IL1RAPL1: variants seen among roughly 807,000 people sequenced by gnomAD.
The protein encoded by IL1RAPL1 is interleukin-1 receptor accessory protein-like 1.
Under a neutral mutation model 48.4 loss-of-function variants are expected in IL1RAPL1, and 3 were observed. The observed-to-expected ratio is 0.06, with a 90% confidence interval of 0.03 to 0.16. The LOEUF is 0.16. Ranked by LOEUF, IL1RAPL1 falls within the 10% of genes least tolerant of loss-of-function variation. The pLI is 1.00. For synonymous variants in IL1RAPL1, 185 were observed against 187.7 expected, an observed-to-expected ratio of 0.99 and a Z score of 0.12; for missense variants, 349 against 530.6, an observed-to-expected ratio of 0.66 and a Z score of 3.36.
intron 2 of IL1RAPL1, among the ~76,000 whole-genome samples, chrX:28,874,611 A>G (rs1468507802): frequency 2.7e-5 from 3 of 112,295 alleles, no homozygotes; most frequent in East Asian, 5.6e-4. Context: ...CACACTTTCA[A>G]TAATGTTTGT....
At chrX:28,869,591 A>G (rs73631617) in intron 2 of IL1RAPL1, among the ~76,000 whole-genome samples, 2,629 of 111,799 alleles carry the variant, frequency 0.024, 70 homozygotes, top group African/African-American at 0.081. Flanking sequence ...TTTAGGTTAT[A>G]TTTTATTTCT....
intron 1 of IL1RAPL1, among the ~76,000 whole-genome samples, chrX:28,727,045 A>G (rs1276245461): frequency 3.6e-5 from 4 of 111,910 alleles, no homozygotes; most frequent in Non-Finnish European, 7.5e-5. Flanking sequence ...GTCTCTTAAT[A>G]AAAATAATTT....
Position 29,192,875 on chromosome X carries a change from T to TA in IL1RAPL1, c.83-90062dup, listed in dbSNP as rs1391812075. Among the ~76,000 whole-genome samples the TA allele has an allele frequency of 2.7e-5, 3 of 111,501 alleles. No homozygotes were observed. In the South Asian group the frequency reaches 1.1e-3, roughly 41 times the overall value. On this transcript the variant is annotated intron_variant, in intron 2 of 10. Coordinates refer to ENST00000378993, the MANE Select transcript of IL1RAPL1 (RefSeq NM_014271.4). ...CTCATGAGGAAAAATGATTAGGAAG[T>TA]ATGTTAGTACTAACCATTAACTAGA...
At chrX:28,707,826 A>G (rs1935393507) in intron 1 of IL1RAPL1, among the ~76,000 whole-genome samples, 1 of 112,301 alleles carries the variant, frequency 8.9e-6, no homozygotes, top group South Asian at 3.7e-4. Context: ...GACTCAGTAT[A>G]AATAGGAATG....
At chrX:28,720,059 A>C (rs2146939230) in intron 1 of IL1RAPL1, among the ~76,000 whole-genome samples, 1 of 111,452 alleles carries the variant, frequency 9.0e-6, no homozygotes, top group Non-Finnish European at 1.9e-5. Context: ...ATCCCCAAGT[A>C]ATTTATGCTT....
intron 2 of IL1RAPL1, among the ~76,000 whole-genome samples, chrX:29,162,614 A>G (rs947364573): frequency 2.7e-5 from 3 of 111,248 alleles, no homozygotes; most frequent in African/African-American, 9.8e-5. Context: ...ATGGAATACA[A>G]ATAAATTTTT....
intron 2 of IL1RAPL1, among the ~76,000 whole-genome samples, chrX:29,268,840 G>A (rs1330750170): frequency 8.9e-6 from 1 of 111,871 alleles, no homozygotes. Context: ...ACGAATCAAT[G>A]AATGCTTCTG....
intron 1 of IL1RAPL1, among the ~76,000 whole-genome samples, chrX:28,597,560 C>T (rs1023778943): frequency 3.6e-5 from 4 of 110,313 alleles, no homozygotes; most frequent in Non-Finnish European, 5.7e-5. Context: ...GGTGAAACCC[C>T]GTCTCTACTA....
chrX:29,415,877 T>G (rs1934209059), intron 5 of IL1RAPL1, among the ~76,000 whole-genome samples: 1 of 112,358 alleles, frequency 8.9e-6, no homozygotes, highest in African/African-American at 3.2e-5. Context: ...CCATTATTAA[T>G]TTGAATAAAT....
chrX:29,673,516 C>T (rs762810747), intron 6 of IL1RAPL1, among the ~76,000 whole-genome samples: 2 of 111,234 alleles, frequency 1.8e-5, no homozygotes, highest in African/African-American at 6.5e-5. Flanking sequence ...CCAACAAACT[C>T]AAATTAAAAA....
At chrX:28,711,388 A>G (rs1390823387) in intron 1 of IL1RAPL1, among the ~76,000 whole-genome samples, 10 of 111,763 alleles carry the variant, frequency 8.9e-5, no homozygotes, top group Admixed American at 8.6e-4. Flanking sequence ...CTTAAGTGTG[A>G]GATTGCTATT....
intron 2 of IL1RAPL1, among the ~76,000 whole-genome samples, chrX:28,790,581 G>A (rs1271904084): frequency 1.8e-5 from 2 of 112,453 alleles, no homozygotes; most frequent in Non-Finnish European, 3.8e-5. Flanking sequence ...AAAAAATACT[G>A]AGACTGTTGG....
At chrX:29,335,275 GA>G in intron 3 of IL1RAPL1, among the ~76,000 whole-genome samples, 1 of 3,562 alleles carries the variant, frequency 2.8e-4, no homozygotes. Flanking sequence ...GACGGAGACG[GA>G]GAGGGGAGAG....
At chrX:29,429,150 A>G (rs182793420) in intron 5 of IL1RAPL1, among the ~76,000 whole-genome samples, 16 of 112,142 alleles carry the variant, frequency 1.4e-4, no homozygotes, top group African/African-American at 4.9e-4. Context: ...AAATGTTTCC[A>G]AAACTTCAGT....
chrX:29,954,495 C>T (rs1409983654), intron 9 of IL1RAPL1, 27 bp from the exon 10 acceptor site: 3 of 1,177,688 alleles, frequency 2.5e-6, no homozygotes, highest in Non-Finnish European at 3.5e-6. Context: ...GTAGTGACTT[C>T]GACTTTTCTT....
At chrX:28,722,843 G>A (rs1935604391) in intron 1 of IL1RAPL1, among the ~76,000 whole-genome samples, 1 of 111,656 alleles carries the variant, frequency 9.0e-6, no homozygotes, top group Non-Finnish European at 1.9e-5. Context: ...TGCATCTATT[G>A]AGAAAATCAT....
chrX:29,229,178 A>C (rs971198725), intron 2 of IL1RAPL1, among the ~76,000 whole-genome samples: 4 of 111,857 alleles, frequency 3.6e-5, no homozygotes, highest in Non-Finnish European at 7.5e-5. Flanking sequence ...CAGTTAGCCT[A>C]CTGTTTCATT....
chrX:29,003,023 G>A (rs1428078843), intron 2 of IL1RAPL1, among the ~76,000 whole-genome samples: 2 of 109,915 alleles, frequency 1.8e-5, no homozygotes, highest in African/African-American at 6.6e-5. Flanking sequence ...TACAAACAAG[G>A]GAAAAAAATC....
chrX:29,663,200 A>G (rs983403880), intron 5 of IL1RAPL1, among the ~76,000 whole-genome samples: 2 of 112,001 alleles, frequency 1.8e-5, no homozygotes, highest in Admixed American at 9.4e-5. Flanking sequence ...TCCCCTGACT[A>G]TCTGTGAACA....
Sources: gnomAD v4.1 joint callset for allele counts (sites outside exome capture counted in the v4.1 genomes callset) on GRCh38, gnomAD v4.1.1 for gene constraint, MANE v1.5 for transcripts, NCBI Gene and HGNC (gene_info 2026-07-23, HGNC 2026-07-21) for gene names.